MSANTD2: variants seen among roughly 807,000 people sequenced by gnomAD.
The protein encoded by MSANTD2 is Myb/SANT DNA binding domain containing 2.
A neutral mutation model predicts 52.6 loss-of-function variants in MSANTD2; 19 were observed. The observed-to-expected ratio is 0.36, with a 90% CI of 0.25 to 0.53. The LOEUF is 0.53. Ranked by LOEUF, MSANTD2 falls within the 20% of genes least tolerant of loss-of-function variation. The pLI is 0.91. For missense variants in MSANTD2, 558 were observed against 716.3 expected (o/e 0.78, Z 2.52); for synonymous variants, 291 against 289.7 (o/e 1.00, Z -0.04).
Position 124,774,864 on chromosome 11 carries a change from A to G in MSANTD2, c.621T>C (p.Ala207=). The part of the protein sequence containing the change: ...EQVFGQGGWD[A]QPCQPVLINS... ...TAATAAGTACAGGCTGGCAGGGCTGAGCATCCCATCCTCCCTGACCAAACA... is the reference window on the plus strand; with the variant it reads ...TAATAAGTACAGGCTGGCAGGGCTGGGCATCCCATCCTCCCTGACCAAACA... The change falls in exon 2 of 4, where the codon GCT becomes GCC. Residue 207 remains alanine, a synonymous_variant. Coordinates refer to ENST00000374979, the MANE Select transcript of MSANTD2 (RefSeq NM_001308027.2). The surrounding 1 kb of genome is among the most constrained non-coding windows in gnomAD (Gnocchi z 5.1). 1.2e-6 allele frequency: 2 copies of G among 1,613,840 alleles called. No homozygotes were observed. Among genetic ancestry groups the G allele is most frequent in the Non-Finnish European group, 1.7e-6 (2 of 1,180,032 alleles).
intron 1 of MSANTD2, among the ~76,000 whole-genome samples, chr11:124,797,909 C>T (rs1191504268): frequency 6.6e-6 from 1 of 152,164 alleles, no homozygotes. Flanking sequence ...CAATTAGATA[C>T]TCCCTGGTTG....
intron 1 of MSANTD2, among the ~76,000 whole-genome samples, chr11:124,788,150 A>T (rs1296814396): frequency 6.6e-6 from 1 of 151,978 alleles, no homozygotes; most frequent in East Asian, 1.9e-4. Context: ...GAATATGGTG[A>T]CTAACACACT....
At position 124,800,260 on chromosome 11, in the gene MSANTD2, G is replaced by C; in HGVS notation, c.121C>G (p.Pro41Ala). ...GGGGAGGCACCCCGAGGCGTGGAAG[G>C]GTCGGACAGCGATGGATTTCCGTCG... ...LSDGNPSLSDPSTPRGASPLG... is the reference protein window; with the variant it reads ...LSDGNPSLSDASTPRGASPLG... Residue 41 changes from proline (P) to alanine (A), a missense_variant, in exon 1 of 4, where the codon CCT becomes GCT. Pro to Ala is a conservative substitution (Grantham distance 27). This residue lies in a region of MSANTD2 where 150 missense variants were observed against 142.7 expected (regional missense o/e 1.05). Transcript: ENST00000374979. The surrounding 1 kb of genome is among the most constrained non-coding windows in gnomAD (Gnocchi z 4.3). 6.4e-7 allele frequency: 1 copy of C among 1,565,736 alleles called. No homozygotes were observed. The highest frequency in any genetic ancestry group is 2.6e-5 in the East Asian group (1 of 38,644).
intron 1 of MSANTD2, among the ~76,000 whole-genome samples, chr11:124,778,097 C>T (rs1419083185): frequency 1.3e-5 from 2 of 152,110 alleles, no homozygotes; most frequent in East Asian, 1.9e-4. Context: ...TAAGACTGTG[C>T]GTGTCCCAGT....
At chr11:124,771,741 TCAAA>T (rs1312915777) in intron 3 of MSANTD2, among the ~76,000 whole-genome samples, 3 of 152,218 alleles carry the variant, frequency 2.0e-5, no homozygotes, top group Non-Finnish European at 4.4e-5. Context: ...AGACTCTGTC[TCAAA>T]CAAACAAACA....
At chr11:124,786,094 TC>T (rs1412629803) in intron 1 of MSANTD2, among the ~76,000 whole-genome samples, 12 of 131,964 alleles carry the variant, frequency 9.1e-5, no homozygotes, top group South Asian at 2.3e-4. Flanking sequence ...CATCATTTCT[TC>T]TTTTTTTTTT....
At position 124,800,088 on chromosome 11, in the gene MSANTD2, G is replaced by C. The variant is rs1435056047; in HGVS notation, c.293C>G (p.Ala98Gly). The C allele has an allele frequency of 2.0e-6, 3 of 1,473,464 alleles. No homozygotes were observed. The highest frequency in any genetic ancestry group is 2.7e-6 in the Non-Finnish European group (3 of 1,121,990). The allele number at this position is 1,473,464 out of a possible 1,614,324, so 91.3% of individuals were successfully genotyped here. A position where few individuals can be genotyped will look rare whatever the true frequency, so the allele number is the denominator to read the frequency against. ...GGGAAAAAAA[A>G]CRGMSWTPAE... ...TGGCGTCCACGACATGCCCCGGCAGGCGGCGGCGGCGGCTGCCGCAGCCCC... is the reference window on the plus strand; with the variant it reads ...TGGCGTCCACGACATGCCCCGGCAGCCGGCGGCGGCGGCTGCCGCAGCCCC... Residue 98 changes from alanine to glycine, a missense_variant, in exon 1 of 4, where the codon GCC (alanine) becomes GGC (glycine). Transcript: ENST00000374979. This position sits in a 1 kb window ranked among gnomAD's most constrained non-coding sequence, Gnocchi z 4.3.
intron 1 of MSANTD2, chr11:124,790,390 T>C (rs1945293342): frequency 6.6e-6 from 1 of 152,244 alleles, no homozygotes; most frequent in Non-Finnish European, 1.5e-5. Context: ...GTTATGGTCT[T>C]TGACTGCAGT....
intron 1 of MSANTD2, among the ~76,000 whole-genome samples, chr11:124,783,286 A>C (rs1945045317): frequency 6.6e-6 from 1 of 152,162 alleles, no homozygotes; most frequent in Non-Finnish European, 1.5e-5. Context: ...TAACTGGTCA[A>C]TACTGCCTCC....
intron 1 of MSANTD2, among the ~76,000 whole-genome samples, chr11:124,797,454 G>A (rs1565471176): frequency 6.6e-6 from 1 of 152,132 alleles, no homozygotes; most frequent in East Asian, 1.9e-4. Flanking sequence ...CTATGATCAC[G>A]TTACTGCACT....
At chr11:124,794,982 G>A (rs1945448915) in intron 1 of MSANTD2, among the ~76,000 whole-genome samples, 1 of 152,086 alleles carries the variant, frequency 6.6e-6, no homozygotes, top group South Asian at 2.1e-4. Context: ...AACCTCAAGC[G>A]ATCCTCCCGC....
At chr11:124,797,241 T>C (rs1003568543) in intron 1 of MSANTD2, among the ~76,000 whole-genome samples, 2 of 152,180 alleles carry the variant, frequency 1.3e-5, no homozygotes, top group African/African-American at 4.8e-5. Context: ...TCCCAGCACT[T>C]TGGGAGGCCA....
intron 1 of MSANTD2, among the ~76,000 whole-genome samples, chr11:124,796,085 T>C (rs1048725071): frequency 5.9e-5 from 9 of 152,232 alleles, no homozygotes; most frequent in South Asian, 2.1e-4. Context: ...CTTGTGTGCT[T>C]AGAAACATGT....
intron 1 of MSANTD2, among the ~76,000 whole-genome samples, chr11:124,788,704 G>A (rs1426589016): frequency 6.6e-6 from 1 of 152,160 alleles, no homozygotes; most frequent in Non-Finnish European, 1.5e-5. Flanking sequence ...AGATGCTCAT[G>A]AACTGATGGT....
chr11:124,780,963 A>T (rs1405328261), intron 1 of MSANTD2, among the ~76,000 whole-genome samples: 2 of 152,160 alleles, frequency 1.3e-5, no homozygotes, highest in African/African-American at 4.8e-5. Flanking sequence ...TGGGCGGATC[A>T]CCTGAGGTCA....
chr11:124,767,925 TA>T lies in MSANTD2; in HGVS notation c.930del (p.Asn311IlefsTer50), dbSNP rs1944362965. The T allele has an allele frequency of 6.2e-7, 1 of 1,614,098 alleles. No homozygotes were observed. The highest frequency in any genetic ancestry group is 1.3e-5 in the African/African-American group (1 of 74,942). On this transcript the variant is annotated frameshift_variant, in exon 4 of 4. Coordinates refer to ENST00000374979, the MANE Select transcript of MSANTD2 (RefSeq NM_001308027.2). LOFTEE classifies it high-confidence loss of function. The surrounding 1 kb of genome is among the most constrained non-coding windows in gnomAD (Gnocchi z 6.5). ...CCAATTCCAAAAATGGCCAGTTTAT[TA>T]GAAAGATGGAGCCTTGAAAAGTCTG... ...SWTDFSRLHL[S>X]NKLAIFGIGY...
intron 1 of MSANTD2, among the ~76,000 whole-genome samples, chr11:124,776,806 T>A (rs949817506): frequency 1.3e-5 from 2 of 152,236 alleles, no homozygotes; most frequent in African/African-American, 4.8e-5. Flanking sequence ...TGCACAAGCA[T>A]CTGCCTCATT....
At chr11:124,798,234 TAAAA>T (rs10601418) in intron 1 of MSANTD2, among the ~76,000 whole-genome samples, 3 of 110,528 alleles carry the variant, frequency 2.7e-5, no homozygotes, top group Admixed American at 9.3e-5. Flanking sequence ...CCCTGTCTCT[TAAAA>T]AAAAAAAAAA....
chr11:124,770,080 A>G (rs1235207980), intron 3 of MSANTD2, among the ~76,000 whole-genome samples: 1 of 152,188 alleles, frequency 6.6e-6, no homozygotes, highest in Non-Finnish European at 1.5e-5. Flanking sequence ...TGTCTGTTAG[A>G]TTTCCTGGTT....
Sources: allele counts gnomAD v4.1 joint callset (sites outside exome capture counted in the v4.1 genomes callset), GRCh38; gene constraint gnomAD v4.1.1; regional missense constraint gnomAD v4.1.1; non-coding constraint Gnocchi (gnomAD v3.1); transcripts MANE v1.5; gene names NCBI Gene and HGNC (gene_info 2026-07-23, HGNC 2026-07-21).